Variants in GTSF1 observed in about 807,000 individuals in gnomAD.
GTSF1 encodes gametocyte specific factor 1.
In GTSF1, 11 loss-of-function variants were observed where a neutral mutation model predicts 28.9. That is an observed-to-expected ratio of 0.38 (90% CI 0.24 to 0.63). The LOEUF (loss-of-function observed/expected upper bound fraction) is 0.63. Among genes scored for constraint, GTSF1 ranks in the 30% least tolerant of loss-of-function variants. GTSF1 has a pLI of 0.56. For missense variants in GTSF1, 146 were observed against 201.0 expected (o/e 0.73, Z 1.66); for synonymous variants, 69 against 65.6 (o/e 1.05, Z -0.25).
In GTSF1 at chr12:54,471,226, T is replaced by A; in HGVS notation, c.16+7A>T. ...CTTATTTTCTAAAAGCAACAAGGAG[T>A]ACATACTGTAAGTTTCTTCCATGTT... is the stretch of plus-strand genomic sequence containing the variant. On this transcript the variant is annotated splice_region_variant and intron_variant, in intron 2 of 8. Transcript: ENST00000305879. 6.3e-7 allele frequency: 1 copy of A among 1,586,926 alleles called. No individual in the cohort carries two copies. The highest frequency in any genetic ancestry group is 8.6e-7 in the Non-Finnish European group (1 of 1,168,058).
In GTSF1 at chr12:54,470,260, C is replaced by G. The variant is rs149571551; in HGVS notation, c.16+973G>C. On this transcript the variant is annotated intron_variant, in intron 2 of 8. Transcript: ENST00000305879. ...GTGTGGTCCTCAGATCAGCATCACC[C>G]TGGTAACTTGTTAGAAATGCAAATT... 4.6e-4 allele frequency among the ~76,000 whole-genome samples: 70 copies of G among 152,330 alleles called. 1 individual carries two copies. The East Asian group carries it at 6.0e-3, about 13-fold the overall frequency.
chr12:54,464,196 G>T (rs1055634331), intron 3 of GTSF1, among the ~76,000 whole-genome samples: 2 of 152,098 alleles, frequency 1.3e-5, no homozygotes, highest in African/African-American at 4.8e-5. Context: ...TAGAAGAAGG[G>T]AATTATGATA....
In GTSF1 at chr12:54,460,455, C is replaced by T. The variant is rs1381293406; in HGVS notation, c.409G>A (p.Val137Ile). 1.9e-6 allele frequency: 3 copies of T among 1,613,248 alleles called. No individual in the cohort carries two copies. Among genetic ancestry groups the T allele is most frequent in the Non-Finnish European group, 2.5e-6 (3 of 1,179,472 alleles). ...GCCAGGTTATTCTTATGTTCTGTAACTATGTTGCTCGCAGGGCTGCAAAAA... is the reference window on the plus strand; with the variant it reads ...GCCAGGTTATTCTTATGTTCTGTAATTATGTTGCTCGCAGGGCTGCAAAAA... ...SDNNSPASNIVTEHKNNLASG... is the reference protein window; with the variant it reads ...SDNNSPASNIITEHKNNLASG... Residue 137 changes from valine to isoleucine, a missense_variant, in exon 7 of 9, where the codon GTT (valine) becomes ATT (isoleucine). By Grantham distance (29) the Val-to-Ile change is conservative. Transcript: ENST00000305879.
chr12:54,460,519 G>T, intron 6 of GTSF1, 48 bp from the exon 7 acceptor site: 1 of 1,211,876 alleles, frequency 8.3e-7, no homozygotes, highest in South Asian at 1.2e-5. Flanking sequence ...TATCATTCAA[G>T]CAGGCACACG....
At chr12:54,463,411 G>A in intron 3 of GTSF1, 114 bp from the exon 4 acceptor site, 1 of 893,806 alleles carries the variant, frequency 1.1e-6, no homozygotes, top group Non-Finnish European at 1.7e-6. Context: ...ATAAACTTCT[G>A]GCTTAACTAT....
intron 6 of GTSF1, among the ~76,000 whole-genome samples, chr12:54,461,234 T>C (rs939183147): frequency 2.0e-5 from 3 of 152,030 alleles, no homozygotes; most frequent in Non-Finnish European, 4.4e-5. Context: ...GCTGAGACTA[T>C]AGGCATCCAC....
At chr12:54,472,426 C>T (rs1956604808) in intron 1 of GTSF1, 3 of 152,192 alleles carry the variant, frequency 2.0e-5, no homozygotes, top group Admixed American at 2.0e-4. Flanking sequence ...GACTCAAGAA[C>T]TGTCCATATT....
At position 54,457,012 on chromosome 12, in the gene GTSF1, G is replaced by T. The variant is rs140753355; in HGVS notation, c.*21-859C>A. On this transcript the variant is annotated intron_variant, in intron 8 of 8. Transcript: ENST00000305879. ...AGGTAGGAGAATCGCTTGAACCCGG[G>T]AGGTGGAGGTTGCAGTGAGCCGAGA... Among the ~76,000 whole-genome samples, 330 of 152,284 alleles carry T rather than the reference G, an allele frequency of 2.2e-3. 1 individual carries two copies. Among genetic ancestry groups the T allele is most frequent in the African/African-American group, 7.7e-3 (318 of 41,554 alleles).
intron 7 of GTSF1, chr12:54,459,391 T>C: frequency 1.4e-6 from 2 of 1,386,976 alleles, no homozygotes; most frequent in Non-Finnish European, 1.9e-6. Flanking sequence ...TTAAAGTGAA[T>C]CCTCTAGCCA....
intron 2 of GTSF1, among the ~76,000 whole-genome samples, chr12:54,469,318 C>T (rs1302768638): frequency 6.6e-6 from 1 of 152,108 alleles, no homozygotes; most frequent in Non-Finnish European, 1.5e-5. Flanking sequence ...ACCTTGTGAT[C>T]CACCTGCCTT....
chr12:54,462,766 C>A, intron 4 of GTSF1, 41 bp from the exon 5 acceptor site: 1 of 1,523,754 alleles, frequency 6.6e-7, no homozygotes, highest in Non-Finnish European at 9.1e-7. Context: ...GGGGATATTG[C>A]CAAGTTATTG....
intron 1 of GTSF1, among the ~76,000 whole-genome samples, chr12:54,473,150 T>C (rs1038406322): frequency 2.6e-5 from 4 of 151,786 alleles, no homozygotes; most frequent in African/African-American, 9.7e-5. Flanking sequence ...CACGGTGAAA[T>C]AGACAAGCTA....
chr12:54,465,213 T>G (rs759110403), intron 2 of GTSF1, 46 bp from the exon 3 acceptor site: 32 of 1,283,082 alleles, frequency 2.5e-5, no homozygotes, highest in Non-Finnish European at 3.5e-5. Flanking sequence ...AATAGGCCCT[T>G]GTAAAACTAC....
chr12:54,465,319 A>G (rs1006242387), intron 2 of GTSF1, 152 bp from the exon 3 acceptor site: 7 of 487,724 alleles, frequency 1.4e-5, no homozygotes, highest in Non-Finnish European at 2.2e-5. Context: ...GGGTGACTAC[A>G]CTTTTAAAAT....
chr12:54,465,199 C>T lies in GTSF1; in HGVS notation c.17-32G>A, dbSNP rs768280738. 11 of 1,414,410 alleles carry T rather than the reference C, an allele frequency of 7.8e-6. No homozygotes were observed. The East Asian group carries it at 2.1e-4, about 27-fold the overall frequency. 87.6% of individuals were successfully genotyped at this position (1,414,410 alleles called of 1,614,324 possible). ...GACAGAAGTGTTTCAGTAGGTAAAACGATAATAGGCCCTTGTAAAACTACA... is the reference window on the plus strand; with the variant it reads ...GACAGAAGTGTTTCAGTAGGTAAAATGATAATAGGCCCTTGTAAAACTACA... On this transcript the variant is annotated intron_variant, in intron 2 of 8. Transcript: ENST00000305879.
chr12:54,461,572 G>A (rs1956423603), intron 6 of GTSF1, among the ~76,000 whole-genome samples: 1 of 152,056 alleles, frequency 6.6e-6, no homozygotes, highest in Admixed American at 6.5e-5. Context: ...GAGCCCAGGA[G>A]GCAGAGCCTG....
chr12:54,473,285 A>G (rs1956612089), intron 1 of GTSF1, among the ~76,000 whole-genome samples: 1 of 152,118 alleles, frequency 6.6e-6, no homozygotes, highest in African/African-American at 2.4e-5. Context: ...CAACAACAAA[A>G]TCACAGTAGA....
intron 4 of GTSF1, 85 bp from the exon 5 acceptor site, chr12:54,462,810 A>G (rs1956446374): frequency 7.5e-6 from 8 of 1,062,528 alleles, no homozygotes; most frequent in Middle Eastern, 2.0e-4. Context: ...AAAGGTTGCA[A>G]GGGTAGCCTG....
chr12:54,457,955 A>T (rs1253493493), intron 8 of GTSF1, among the ~76,000 whole-genome samples: 1 of 152,224 alleles, frequency 6.6e-6, no homozygotes, highest in Non-Finnish European at 1.5e-5. Flanking sequence ...TCTGCTTCTT[A>T]CCAGAAGAAA....
Sources: gnomAD v4.1 joint callset for allele counts (sites outside exome capture counted in the v4.1 genomes callset) on GRCh38, gnomAD v4.1.1 for gene constraint, MANE v1.5 for transcripts, NCBI Gene and HGNC (gene_info 2026-07-23, HGNC 2026-07-21) for gene names.